CSMD1: variants seen among roughly 807,000 people sequenced by gnomAD.
The protein encoded by CSMD1 is CUB and sushi domain-containing protein 1.
In CSMD1, 213 loss-of-function variants were observed where a neutral mutation model predicts 417.5. The observed-to-expected ratio is 0.51, with a 90% CI of 0.46 to 0.57. The LOEUF (loss-of-function observed/expected upper bound fraction) is 0.57, where lower values mean the gene tolerates loss of function less well. Ranked by LOEUF, CSMD1 falls within the 20% of genes least tolerant of loss-of-function variation. CSMD1 has a pLI of 0.00. For missense variants in CSMD1, 6,923 were observed against 4,529.7 expected, an observed-to-expected ratio of 1.53 and a Z score of -15.17; for synonymous variants, 2,862 against 1,736.8, an observed-to-expected ratio of 1.65 and a Z score of -16.11.
chr8:4,313,153 TCTTTA>T (rs1235419515), intron 3 of CSMD1, among the ~76,000 whole-genome samples: 2 of 152,168 alleles, frequency 1.3e-5, no homozygotes, highest in African/African-American at 2.4e-5. Flanking sequence ...CTGGAACTGG[TCTTTA>T]ATTTCTAATC....
chr8:4,645,548 T>C (rs1167408269), intron 1 of CSMD1, among the ~76,000 whole-genome samples: 1 of 147,040 alleles, frequency 6.8e-6, no homozygotes, highest in African/African-American at 2.5e-5. Context: ...GCCTTGAACA[T>C]ATTGCCTCAT....
At chr8:3,012,230 C>G (rs1808444217) in intron 52 of CSMD1, among the ~76,000 whole-genome samples, 1 of 152,182 alleles carries the variant, frequency 6.6e-6, no homozygotes, top group Non-Finnish European at 1.5e-5. Context: ...CAAGGTTCTT[C>G]TTAGAATCCA....
intron 50 of CSMD1, 109 bp from the exon 51 acceptor site, chr8:3,029,622 A>T: frequency 3.5e-6 from 3 of 856,012 alleles, no homozygotes; most frequent in Non-Finnish European, 5.4e-6. Context: ...CTTGTTTGGC[A>T]AAGTTGATGC....
At chr8:4,637,196 G>A (rs1428178705) in intron 2 of CSMD1, 146 bp downstream of exon 2, 4 of 618,742 alleles carry the variant, frequency 6.5e-6, no homozygotes, top group African/African-American at 5.7e-5. Flanking sequence ...AAGGTCTGTG[G>A]CTTCATTCTT....
At chr8:4,395,939 A>G (rs1364975262) in intron 3 of CSMD1, among the ~76,000 whole-genome samples, 1 of 152,194 alleles carries the variant, frequency 6.6e-6, no homozygotes, top group Admixed American at 6.5e-5. Flanking sequence ...AACCGTTGAA[A>G]TATTCCCCAT....
At chr8:4,183,086 C>G (rs192212639) in intron 3 of CSMD1, among the ~76,000 whole-genome samples, 9 of 152,256 alleles carry the variant, frequency 5.9e-5, no homozygotes, top group Admixed American at 2.6e-4. Context: ...ACTCATATCA[C>G]AGCGACACCC....
intron 12 of CSMD1, among the ~76,000 whole-genome samples, chr8:3,456,894 G>A (rs187015985): frequency 5.9e-5 from 9 of 152,086 alleles, no homozygotes; most frequent in Non-Finnish European, 8.8e-5. Context: ...GCACTATCCT[G>A]CCCCCCTTGT....
rs762668194 is a variant in CSMD1 at position 3,586,200 on chromosome 8, G to A, written c.1158C>T (p.Ser386=). 1.2e-6 allele frequency: 2 copies of A among 1,612,338 alleles called. No homozygotes were observed. The highest frequency in any genetic ancestry group is 1.7e-6 in the Non-Finnish European group (2 of 1,179,362). Residue 386 remains serine (S), a synonymous_variant, in exon 9 of 70, where the codon AGC becomes AGT. Coordinates refer to ENST00000635120, the MANE Select transcript of CSMD1 (RefSeq NM_033225.6). ...EDNYVLQGSK[S]ITCQRVTETL... ...TCTCTGTAACTCTCTGACAGGTGAT[G>A]CTTTTAGATCCCTGGAGCACGTAAT...
At chr8:3,349,739 A>G (rs1215917333) in intron 21 of CSMD1, among the ~76,000 whole-genome samples, 3 of 146,464 alleles carry the variant, frequency 2.0e-5, no homozygotes, top group Non-Finnish European at 3.0e-5. Flanking sequence ...TATAATATAT[A>G]AATACTTTAT....
At chr8:4,166,949 T>A (rs999805405) in intron 3 of CSMD1, among the ~76,000 whole-genome samples, 2 of 152,232 alleles carry the variant, frequency 1.3e-5, no homozygotes, top group African/African-American at 4.8e-5. Flanking sequence ...GGCCACCATG[T>A]CAGACAGCAC....
chr8:3,825,347 T>C lies in CSMD1; in HGVS notation c.819-71305A>G, dbSNP rs139794092. Among the ~76,000 whole-genome samples, 1,118 of 152,236 alleles carry C rather than the reference T, an allele frequency of 7.3e-3. 16 individuals are homozygous for C. Among genetic ancestry groups the C allele is most frequent in the African/African-American group, 0.024 (1,007 of 41,552 alleles). On this transcript the variant is annotated intron_variant, in intron 5 of 69. Coordinates refer to ENST00000635120, the MANE Select transcript of CSMD1 (RefSeq NM_033225.6). ...GAGCTCGAGACCAGCTTGGCCAACA[T>C]GGTGAAACCTTGTCTGTAGTAAAAA...
At chr8:3,371,889 A>G (rs1231357354) in intron 18 of CSMD1, among the ~76,000 whole-genome samples, 1 of 152,248 alleles carries the variant, frequency 6.6e-6, no homozygotes, top group Admixed American at 6.5e-5. Context: ...AAGTAACATT[A>G]TACATCCCAC....
At chr8:4,968,204 T>C (rs979859318) in intron 1 of CSMD1, among the ~76,000 whole-genome samples, 7 of 152,170 alleles carry the variant, frequency 4.6e-5, no homozygotes, top group Non-Finnish European at 1.0e-4. Flanking sequence ...ATTTTTGGTA[T>C]TTTAGAATCA....
chr8:3,431,471 C>T (rs1444262266), intron 12 of CSMD1, among the ~76,000 whole-genome samples: 1 of 152,118 alleles, frequency 6.6e-6, no homozygotes, highest in Non-Finnish European at 1.5e-5. Context: ...GGCTATTTAA[C>T]TGGTATTCAT....
At chr8:3,651,107 A>T (rs1311819434) in intron 7 of CSMD1, among the ~76,000 whole-genome samples, 2 of 152,196 alleles carry the variant, frequency 1.3e-5, no homozygotes, top group African/African-American at 4.8e-5. Context: ...GTTTATCACC[A>T]TCTGTCAGTA....
At chr8:4,969,348 T>G (rs1190318631) in intron 1 of CSMD1, among the ~76,000 whole-genome samples, 1 of 151,968 alleles carries the variant, frequency 6.6e-6, no homozygotes, top group Non-Finnish European at 1.5e-5. Context: ...CCTTATATAA[T>G]GAGGAAAGCA....
chr8:4,138,107 C>T (rs868412614), intron 3 of CSMD1, among the ~76,000 whole-genome samples: 4 of 121,818 alleles, frequency 3.3e-5, no homozygotes, highest in African/African-American at 9.6e-5. Context: ...AGTAGAGACG[C>T]GGTTTCACCG....
chr8:4,358,432 C>T (rs540235643), intron 3 of CSMD1, among the ~76,000 whole-genome samples: 2 of 152,318 alleles, frequency 1.3e-5, no homozygotes, highest in South Asian at 4.1e-4. Flanking sequence ...ATTCAAATTT[C>T]AGTGTCCACA....
intron 1 of CSMD1, among the ~76,000 whole-genome samples, chr8:4,778,972 G>C (rs146705037): frequency 1.6e-4 from 25 of 152,332 alleles, no homozygotes; most frequent in Admixed American, 2.6e-4. Context: ...AGAATGTTTA[G>C]AAAGAATTGA....
Sources: gnomAD v4.1 joint callset for allele counts (sites outside exome capture counted in the v4.1 genomes callset) on GRCh38, gnomAD v4.1.1 for gene constraint, MANE v1.5 for transcripts, NCBI Gene and HGNC (gene_info 2026-07-23, HGNC 2026-07-21) for gene names.